Variants in LARP1B observed in about 807,000 individuals in gnomAD.
The protein encoded by LARP1B is La ribonucleoprotein 1B.
A neutral mutation model predicts 114.2 loss-of-function variants in LARP1B; 76 were observed. The observed-to-expected ratio is 0.67, with a 90% CI of 0.55 to 0.81. The LOEUF is 0.81. Ranked by LOEUF, LARP1B falls within the 30% of genes least tolerant of loss-of-function variation. The pLI is 0.00. For missense variants in LARP1B, 1,014 were observed against 1,075.8 expected (o/e 0.94, Z 0.80); for synonymous variants, 345 against 348.0 (o/e 0.99, Z 0.10).
intron 11 of LARP1B, among the ~76,000 whole-genome samples, chr4:128,129,348 C>CAAAAA (rs71587364): frequency 1.3e-4 from 14 of 110,032 alleles, no homozygotes; most frequent in African/African-American, 4.3e-4. Flanking sequence ...GACTCCGTCT[C>CAAAAA]AAAAAAAAAA....
At chr4:128,074,306 G>A (rs1008864144) in intron 1 of LARP1B, among the ~76,000 whole-genome samples, 154 bp from the exon 2 acceptor site, 3 of 152,118 alleles carry the variant, frequency 2.0e-5, no homozygotes, top group African/African-American at 7.2e-5. Flanking sequence ...TGTGTCAAAT[G>A]GGGTTGATTT....
At chr4:128,158,515 T>C (rs1736887212) in intron 11 of LARP1B, among the ~76,000 whole-genome samples, 1 of 152,118 alleles carries the variant, frequency 6.6e-6, no homozygotes, top group Non-Finnish European at 1.5e-5. Flanking sequence ...GTTAAAAAAG[T>C]GTCAAAAAGT....
At chr4:128,126,731 T>C (rs1245076865) in intron 11 of LARP1B, among the ~76,000 whole-genome samples, 11 of 151,988 alleles carry the variant, frequency 7.2e-5, no homozygotes, top group African/African-American at 2.7e-4. Flanking sequence ...CTACAGTCTT[T>C]GCTATTGGTT....
At chr4:128,213,618 A>AC (rs1759269883), downstream of LARP1B, among the ~76,000 whole-genome samples, 1 of 152,192 alleles carries the variant, frequency 6.6e-6, no homozygotes, top group Non-Finnish European at 1.5e-5. Context: ...AAATGGCCCT[A>AC]CCCAAAATTT....
intron 1 of LARP1B, among the ~76,000 whole-genome samples, chr4:128,065,253 A>C (rs58295849): frequency 0.092 from 8,006 of 87,018 alleles, 373 homozygotes; most frequent in Middle Eastern, 0.13. Flanking sequence ...CCCACAATTA[A>C]TTTCTTTCTT....
At chr4:128,122,541 A>G in intron 11 of LARP1B, 7 of 1,528,080 alleles carry the variant, frequency 4.6e-6, no homozygotes, top group Non-Finnish European at 6.1e-6. Flanking sequence ...TACTGTGGAC[A>G]GGCTTAATTT....
Position 128,079,500 on chromosome 4 carries a change from A to G in LARP1B, c.217+1538A>G, listed in dbSNP as rs57035809. 2.0e-3 allele frequency among the ~76,000 whole-genome samples: 305 copies of G among 152,320 alleles called. 1 individual carries two copies. The highest frequency in any genetic ancestry group is 7.1e-3 in the African/African-American group (294 of 41,576). On this transcript the variant is annotated intron_variant, in intron 4 of 19. Coordinates refer to ENST00000326639, the MANE Select transcript of LARP1B (RefSeq NM_018078.4). ...TAATTGCTCAAAAACAGTGACAACAAGACAAACAAGTGGTTGTTAGAAAAA... is the reference window on the plus strand; with the variant it reads ...TAATTGCTCAAAAACAGTGACAACAGGACAAACAAGTGGTTGTTAGAAAAA...
chr4:128,144,510 G>GT (rs982443758), intron 11 of LARP1B, among the ~76,000 whole-genome samples: 19 of 150,964 alleles, frequency 1.3e-4, no homozygotes, highest in East Asian at 9.8e-4. Flanking sequence ...GGTTCTTTCT[G>GT]TTTTTTTTGT....
rs189370175 is a variant in LARP1B, at chr4:128,093,371, C to T, written c.668+1859C>T. 3.1e-3 allele frequency among the ~76,000 whole-genome samples: 471 copies of T among 152,084 alleles called. 2 individuals are homozygous for T. The highest frequency in any genetic ancestry group is 0.011 in the African/African-American group (438 of 41,478). The stretch of plus-strand genomic sequence containing the variant: ...TAGCACTTTGGGAGGCCGAGGCGGG[C>T]GGATCACGAGGTCAGGAGATCGAGA... On this transcript the variant is annotated intron_variant, in intron 7 of 19. Coordinates refer to ENST00000326639, the MANE Select transcript of LARP1B (RefSeq NM_018078.4).
At chr4:128,095,992 ATTTTTTTTTTTT>A (rs71587360) in intron 7 of LARP1B, among the ~76,000 whole-genome samples, 10 of 125,370 alleles carry the variant, frequency 8.0e-5, no homozygotes, top group Non-Finnish European at 1.6e-4. Flanking sequence ...GGAGGCTATA[ATTTTTTTTTTTT>A]TTTTTTTGAG....
chr4:128,108,038 C>T (rs1334587858), intron 9 of LARP1B: 1 of 1,485,760 alleles, frequency 6.7e-7, no homozygotes, highest in Non-Finnish European at 8.9e-7. Context: ...TGTCTATTCC[C>T]ACCTCTTGGT....
intron 15 of LARP1B, among the ~76,000 whole-genome samples, chr4:128,183,506 AG>A (rs1749271279): frequency 1.3e-5 from 2 of 152,246 alleles, no homozygotes; most frequent in Admixed American, 1.3e-4. Context: ...TTAGAAAAAA[AG>A]ATTCCTTTCA....
intron 5 of LARP1B, among the ~76,000 whole-genome samples, chr4:128,089,808 A>G (rs1375383574): frequency 6.8e-6 from 1 of 147,636 alleles, no homozygotes; most frequent in African/African-American, 2.5e-5. Flanking sequence ...GTCTTGTTCT[A>G]TGCCCAGGCT....
intron 5 of LARP1B, among the ~76,000 whole-genome samples, chr4:128,087,735 T>G (rs994110675): frequency 3.3e-5 from 5 of 152,184 alleles, no homozygotes; most frequent in Non-Finnish European, 5.9e-5. Context: ...AAACTTTAGC[T>G]AAATGCAGTG....
At chr4:128,062,676 CTT>C (rs765378804) in intron 1 of LARP1B, among the ~76,000 whole-genome samples, 9 of 130,192 alleles carry the variant, frequency 6.9e-5, no homozygotes, top group Non-Finnish European at 1.4e-4. Context: ...CGATTGTAGT[CTT>C]TTGTGAAATA....
chr4:128,062,462 C>G (rs181454249), intron 1 of LARP1B, among the ~76,000 whole-genome samples: 1 of 152,188 alleles, frequency 6.6e-6, no homozygotes, highest in East Asian at 1.9e-4. Flanking sequence ...GATGGGGGCA[C>G]GGAGGTGGTA....
chr4:128,092,852 C>T (rs1018830604), intron 7 of LARP1B: 1 of 985,316 alleles, frequency 1.0e-6, no homozygotes, highest in African/African-American at 1.7e-5. Context: ...CTTCATACCA[C>T]TATTACTGTC....
chr4:128,157,472 A>G (rs1235747657), intron 11 of LARP1B, among the ~76,000 whole-genome samples: 7 of 152,196 alleles, frequency 4.6e-5, no homozygotes, highest in Admixed American at 3.3e-4. Flanking sequence ...TCCAAAACTG[A>G]TGAAAGACAC....
intron 17 of LARP1B, among the ~76,000 whole-genome samples, chr4:128,201,188 A>C (rs777218009): frequency 6.6e-6 from 1 of 152,196 alleles, no homozygotes; most frequent in Non-Finnish European, 1.5e-5. Flanking sequence ...TACAACCTGC[A>C]CTTGGAAGTG....
Sources: allele counts gnomAD v4.1 joint callset (sites outside exome capture counted in the v4.1 genomes callset), GRCh38; gene constraint gnomAD v4.1.1; transcripts MANE v1.5; gene names NCBI Gene and HGNC (gene_info 2026-07-23, HGNC 2026-07-21).